Variants in COL4A5 observed in about 807,000 individuals in gnomAD.
COL4A5 encodes collagen alpha-5(IV) chain.
COL4A5 carries 26 observed loss-of-function variants against 130.2 expected under a neutral mutation model. That is an observed-to-expected ratio of 0.20 (90% CI 0.15 to 0.28). The LOEUF is 0.28. Ranked by LOEUF, COL4A5 falls within the 10% of genes least tolerant of loss-of-function variation. COL4A5 has a pLI of 1.00. For synonymous variants in COL4A5, 496 were observed against 439.6 expected, an observed-to-expected ratio of 1.13 and a Z score of -1.60; for missense variants, 1,131 against 1,344.3, an observed-to-expected ratio of 0.84 and a Z score of 2.48.
At chrX:108,624,089 C>A in intron 33 of COL4A5, 147 bp from the exon 34 acceptor site, 2 of 504,220 alleles carry the variant, frequency 4.0e-6, no homozygotes, top group South Asian at 2.8e-5. Flanking sequence ...TCGTGTGAGT[C>A]CAGTGCTAAT....
chrX:108,631,935 A>C, intron 36 of COL4A5, among the ~76,000 whole-genome samples: 1 of 111,231 alleles, frequency 9.0e-6, no homozygotes, highest in Non-Finnish European at 1.9e-5. Context: ...AGCAAGAGCA[A>C]ACAAATTCAA....
At chrX:108,640,962 A>G (rs2067453463) in intron 36 of COL4A5, among the ~76,000 whole-genome samples, 1 of 111,909 alleles carries the variant, frequency 8.9e-6, no homozygotes, top group Admixed American at 9.5e-5. Flanking sequence ...AATGGCCAGT[A>G]TGTACATGAA....
intron 2 of COL4A5, among the ~76,000 whole-genome samples, chrX:108,547,959 A>T (rs2147690735): frequency 8.9e-6 from 1 of 112,087 alleles, no homozygotes; most frequent in Non-Finnish European, 1.9e-5. Flanking sequence ...CCATCAGAAA[A>T]GTGCAGTATT....
chrX:108,696,341 G>A lies in COL4A5; in HGVS notation c.5039G>A (p.Arg1680Gln), dbSNP rs1176244811. ...CTGAAAGCAGGAGACTTGAGGACAC[G>A]AATTAGCCGATGTCAAGTGTGCATG... is the stretch of plus-strand genomic sequence containing the variant. ...ETLKAGDLRT[R>Q]ISRCQVCMKR... is the part of the protein sequence containing the mutation. Residue 1680 changes from arginine to glutamine, a missense_variant, in exon 53 of 53, where the codon CGA (arginine) becomes CAA (glutamine). By Grantham distance (43) the Arg-to-Gln change is conservative. Coordinates refer to ENST00000328300, the MANE Select transcript of COL4A5 (RefSeq NM_033380.3). 1.7e-6 allele frequency: 2 copies of A among 1,210,135 alleles called. No individual in the cohort carries two copies. Among genetic ancestry groups the A allele is most frequent in the Non-Finnish European group, 2.2e-6 (2 of 894,163 alleles).
intron 47 of COL4A5, among the ~76,000 whole-genome samples, chrX:108,685,243 G>A (rs1047723528): frequency 2.7e-5 from 3 of 111,888 alleles, no homozygotes; most frequent in African/African-American, 9.7e-5. Flanking sequence ...TTCTTTTAAG[G>A]CTTATTCATT....
At chrX:108,684,387 T>A (rs2068501765) in intron 47 of COL4A5, among the ~76,000 whole-genome samples, 2 of 109,114 alleles carry the variant, frequency 1.8e-5, no homozygotes, top group Non-Finnish European at 3.8e-5. Context: ...AAAGAGAGAC[T>A]CAAATAGACA....
intron 19 of COL4A5, among the ~76,000 whole-genome samples, chrX:108,589,215 GTA>G (rs1316421603): frequency 1.8e-5 from 2 of 111,139 alleles, no homozygotes; most frequent in Admixed American, 1.9e-4. Context: ...CTTGTTAACT[GTA>G]TAAATTTTTA....
rs1026255145 is a variant in COL4A5, at chrX:108,648,528, A to G, written c.3247-6803A>G. ...AACTGAATCCAACAGCGTATCAAAAAGATAATCCACCATGATCAGGTGGGT... is the reference window on the plus strand; with the variant it reads ...AACTGAATCCAACAGCGTATCAAAAGGATAATCCACCATGATCAGGTGGGT... On this transcript the variant is annotated intron_variant, in intron 36 of 52. Coordinates refer to ENST00000328300, the MANE Select transcript of COL4A5 (RefSeq NM_033380.3). 4.5e-5 allele frequency among the ~76,000 whole-genome samples: 5 copies of G among 111,897 alleles called. No individual in the cohort carries two copies. In the East Asian group the frequency reaches 1.4e-3, roughly 31 times the overall value.
rs1184767447 is a variant in COL4A5 at position 108,538,915 on chromosome X, T to C, written c.82-831T>C. Reference sequence around the variant, plus strand: ...CTGGCTTGAGGACCTCAATTCCTAATATGATTGAATGCCTGTTTAGAACAT... The same window carrying C: ...CTGGCTTGAGGACCTCAATTCCTAACATGATTGAATGCCTGTTTAGAACAT... On this transcript the variant is annotated intron_variant, in intron 1 of 52. Transcript: ENST00000328300. Among the ~76,000 whole-genome samples, 9 of 112,127 alleles carry C rather than the reference T, an allele frequency of 8.0e-5. No homozygotes were observed. The East Asian group carries it at 2.5e-3, about 32-fold the overall frequency.
intron 1 of COL4A5, among the ~76,000 whole-genome samples, chrX:108,444,223 CT>C (rs58190150): frequency 0.095 from 9,245 of 96,986 alleles, 1,089 homozygotes; most frequent in African/African-American, 0.31. Flanking sequence ...TTTTTTTTTT[CT>C]TTTTTTTTTT....
chrX:108,522,654 A>G (rs1277703532), intron 1 of COL4A5, among the ~76,000 whole-genome samples: 3 of 108,099 alleles, frequency 2.8e-5, no homozygotes, highest in Non-Finnish European at 5.7e-5. Flanking sequence ...TTTCTAGTAC[A>G]TTATAAGAAT....
chrX:108,494,107 GTC>G (rs768488955), intron 1 of COL4A5, among the ~76,000 whole-genome samples: 2 of 111,404 alleles, frequency 1.8e-5, no homozygotes, highest in Non-Finnish European at 3.8e-5. Context: ...ACAATTTTAA[GTC>G]TATTTTTTGA....
chrX:108,522,661 G>T (rs1042715058), intron 1 of COL4A5, among the ~76,000 whole-genome samples: 1 of 107,266 alleles, frequency 9.3e-6, no homozygotes, highest in African/African-American at 3.4e-5. Context: ...TACATTATAA[G>T]AATTCTTTAT....
chrX:108,459,121 T>C (rs2064616812), intron 1 of COL4A5, among the ~76,000 whole-genome samples: 1 of 112,139 alleles, frequency 8.9e-6, no homozygotes, highest in Non-Finnish European at 1.9e-5. Flanking sequence ...TTTCTTTCAA[T>C]TGTTTGTTGT....
chrX:108,697,373 T>A lies in COL4A5; in HGVS notation c.*995T>A, dbSNP rs1490895155. 2 of 110,844 alleles carry A rather than the reference T, an allele frequency of 1.8e-5. No individual in the cohort carries two copies. Among genetic ancestry groups the A allele is most frequent in the Non-Finnish European group, 3.8e-5 (2 of 53,046 alleles). 9.1% of individuals were successfully genotyped at this position (110,844 alleles called of 1,213,427 possible). On this transcript the variant is annotated 3_prime_UTR_variant, in exon 53 of 53. Transcript: ENST00000328300. Reference sequence around the variant, plus strand: ...TACAGAACTGGGAAACAACACTTGGTTAGTCTCTTTTAAGTTACAAAAAGC... The same window carrying A: ...TACAGAACTGGGAAACAACACTTGGATAGTCTCTTTTAAGTTACAAAAAGC...
intron 42 of COL4A5, among the ~76,000 whole-genome samples, chrX:108,671,219 G>T (rs1265554782): frequency 8.9e-6 from 1 of 111,755 alleles, no homozygotes; most frequent in Non-Finnish European, 1.9e-5. Context: ...ACAAATATTT[G>T]AATGTATTTA....
At chrX:108,536,263 G>A (rs1014096795) in intron 1 of COL4A5, among the ~76,000 whole-genome samples, 1 of 92,268 alleles carries the variant, frequency 1.1e-5, no homozygotes, top group African/African-American at 6.7e-5. Context: ...TAGTAGTTGT[G>A]TGTGTGTGTG....
intron 1 of COL4A5, among the ~76,000 whole-genome samples, chrX:108,513,521 A>T (rs2147596048): frequency 9.0e-6 from 1 of 111,416 alleles, no homozygotes; most frequent in East Asian, 2.8e-4. Context: ...CTTATTGGAC[A>T]TTTGTGTATT....
chrX:108,586,167 TAACAC>T (rs937808259), intron 18 of COL4A5, among the ~76,000 whole-genome samples: 14 of 105,112 alleles, frequency 1.3e-4, no homozygotes, highest in African/African-American at 4.4e-4. Context: ...GCAGAATAGT[TAACAC>T]ACACACACAA....
Sources: gnomAD v4.1 joint callset for allele counts (sites outside exome capture counted in the v4.1 genomes callset) on GRCh38, gnomAD v4.1.1 for gene constraint, MANE v1.5 for transcripts, NCBI Gene and HGNC (gene_info 2026-07-23, HGNC 2026-07-21) for gene names.